Variants in LEPR observed in about 807,000 individuals in gnomAD.
The protein encoded by LEPR is leptin receptor, also known as OB receptor.
In LEPR, 56 loss-of-function variants were observed where a neutral mutation model predicts 114.7. That is an observed-to-expected ratio of 0.49 (90% CI 0.39 to 0.61). The LOEUF is 0.61. LEPR is among the 20% of genes least tolerant of loss of function. The pLI, the probability that LEPR is intolerant of heterozygous loss-of-function variation, is 0.00. For synonymous variants in LEPR, 443 were observed against 461.4 expected (o/e 0.96, Z 0.51); for missense variants, 1,202 against 1,352.9 (o/e 0.89, Z 1.75).
At chr1:65,620,669 AC>A (rs988255117) in intron 17 of LEPR, among the ~76,000 whole-genome samples, 5 of 152,122 alleles carry the variant, frequency 3.3e-5, no homozygotes, top group Admixed American at 3.3e-4. Context: ...GTACAGTAAG[AC>A]CCTACTTGAT....
intron 2 of LEPR, among the ~76,000 whole-genome samples, chr1:65,520,562 T>C (rs930611172): frequency 6.6e-6 from 1 of 152,208 alleles, no homozygotes; most frequent in African/African-American, 2.4e-5. Context: ...AACATCATTA[T>C]TGAAGAGTTG....
At chr1:65,448,899 T>G (rs1321401715) in intron 2 of LEPR, among the ~76,000 whole-genome samples, 1 of 152,170 alleles carries the variant, frequency 6.6e-6, no homozygotes, top group African/African-American at 2.4e-5. Flanking sequence ...GCTTTGTTGT[T>G]GTTGTTGTTT....
chr1:65,435,664 G>T, intron 2 of LEPR: 1 of 985,322 alleles, frequency 1.0e-6, no homozygotes, highest in Non-Finnish European at 1.2e-6. Context: ...ACTGTGCCCA[G>T]CCAAAATGTG....
rs1419488234 is a variant in LEPR at position 65,439,116 on chromosome 1, G to A, written c.-21+13738G>A. Among the ~76,000 whole-genome samples the A allele has an allele frequency of 7.2e-5, 11 of 152,174 alleles. No homozygotes were observed. In the East Asian group the frequency reaches 2.1e-3, roughly 29 times the overall value. On this transcript the variant is annotated intron_variant, in intron 2 of 19. Coordinates refer to ENST00000349533, the MANE Select transcript of LEPR (RefSeq NM_002303.6). ...AGGGTACTGCTGGGCAATAGGACAT[G>A]AGTTCCCATTGCTTGTGGGATCTTC...
rs77715828 is a variant in LEPR, at chr1:65,582,777, A to G, written c.495-9880A>G. Among the ~76,000 whole-genome samples the G allele has an allele frequency of 1.4e-3, 211 of 152,024 alleles. 5 individuals are homozygous for G. In the East Asian group the frequency reaches 0.036, roughly 26 times the overall value. Reference sequence around the variant, plus strand: ...AAGGACTTTCTTGCCATTATCCTCTATTTTCTGCACCATCATGTTTCTCTC... The same window carrying G: ...AAGGACTTTCTTGCCATTATCCTCTGTTTTCTGCACCATCATGTTTCTCTC... On this transcript the variant is annotated intron_variant, in intron 5 of 19. Coordinates refer to ENST00000349533, the MANE Select transcript of LEPR (RefSeq NM_002303.6).
chr1:65,537,009 G>A (rs1006814732), intron 2 of LEPR, among the ~76,000 whole-genome samples: 22 of 152,264 alleles, frequency 1.4e-4, no homozygotes, highest in African/African-American at 4.8e-4. Flanking sequence ...CAGTTTTGAT[G>A]TATGCAATCA....
chr1:65,454,231 T>C (rs909135477), intron 2 of LEPR, among the ~76,000 whole-genome samples: 2 of 152,240 alleles, frequency 1.3e-5, no homozygotes, highest in African/African-American at 4.8e-5. Context: ...CTTGACTCCG[T>C]ATCCAATTTG....
chr1:65,552,258 G>T (rs1000517588), intron 2 of LEPR, among the ~76,000 whole-genome samples: 4 of 152,082 alleles, frequency 2.6e-5, no homozygotes, highest in Non-Finnish European at 4.4e-5. Flanking sequence ...TCCTGAATAT[G>T]CTTGTTAATT....
intron 19 of LEPR, among the ~76,000 whole-genome samples, chr1:65,624,328 A>G (rs150443029): frequency 6.4e-4 from 98 of 152,154 alleles, no homozygotes; most frequent in African/African-American, 2.3e-3. Flanking sequence ...CAGTTACCCT[A>G]TGGGACAAGT....
At chr1:65,492,053 A>G (rs1647899112) in intron 2 of LEPR, among the ~76,000 whole-genome samples, 1 of 152,140 alleles carries the variant, frequency 6.6e-6, no homozygotes, top group South Asian at 2.1e-4. Flanking sequence ...CATGTTAATT[A>G]TAAACAATTT....
intron 1 of LEPR, among the ~76,000 whole-genome samples, chr1:65,422,673 G>A (rs759072578): frequency 2.0e-5 from 3 of 152,212 alleles, no homozygotes; most frequent in Non-Finnish European, 4.4e-5. Flanking sequence ...CCCAAGTGGG[G>A]AGGACAGCAC....
Position 65,637,138 on chromosome 1 carries a change from A to T in LEPR, c.*123A>T, listed in dbSNP as rs1658745814. The T allele has an allele frequency of 8.6e-7, 1 of 1,156,170 alleles. No homozygotes were observed. The highest frequency in any genetic ancestry group is 2.4e-5 in the Admixed American group (1 of 42,348). The allele number at this position is 1,156,170 out of a possible 1,614,324, so 71.6% of individuals were successfully genotyped here. On this transcript the variant is annotated 3_prime_UTR_variant, in exon 20 of 20. Coordinates refer to ENST00000349533, the MANE Select transcript of LEPR (RefSeq NM_002303.6). The stretch of plus-strand genomic sequence containing the variant: ...AATTTGAAAATAATTGTTCCAAATG[A>T]ATGTTGTCTGTTTGTTCTCTCTTAG...
intron 2 of LEPR, among the ~76,000 whole-genome samples, chr1:65,490,230 G>A (rs980095075): frequency 2.0e-5 from 3 of 152,018 alleles, no homozygotes; most frequent in Non-Finnish European, 4.4e-5. Context: ...TTTATTACTG[G>A]GGGATGCTGC....
intron 2 of LEPR, chr1:65,525,857 C>G: frequency 1.0e-6 from 1 of 981,028 alleles, no homozygotes; most frequent in Non-Finnish European, 1.2e-6. Context: ...CCTATTGCCA[C>G]CTCTTCCCGC....
chr1:65,485,365 G>A (rs1174585408), intron 2 of LEPR, among the ~76,000 whole-genome samples: 1 of 152,082 alleles, frequency 6.6e-6, no homozygotes, highest in Admixed American at 6.6e-5. Context: ...TAATCATTAT[G>A]TGCAGTAGGT....
intron 2 of LEPR, among the ~76,000 whole-genome samples, chr1:65,469,232 A>C (rs1186486185): frequency 6.6e-6 from 1 of 151,386 alleles, no homozygotes; most frequent in Non-Finnish European, 1.5e-5. Flanking sequence ...GGTGTAGAGC[A>C]TGGAGTCAGT....
intron 5 of LEPR, chr1:65,577,484 G>A (rs1015940003): frequency 6.4e-6 from 1 of 155,900 alleles, no homozygotes; most frequent in Non-Finnish European, 1.4e-5. Flanking sequence ...AATTATGTAA[G>A]CAACTGGCAG....
At chr1:65,427,050 A>G (rs991476991) in intron 2 of LEPR, among the ~76,000 whole-genome samples, 2 of 151,962 alleles carry the variant, frequency 1.3e-5, no homozygotes, top group Non-Finnish European at 2.9e-5. Context: ...GAAGTGAGTT[A>G]TTATGACAGT....
Position 65,621,441 on chromosome 1 carries a change from A to G in LEPR, c.2580A>G (p.Leu860=). The change falls in exon 18 of 20, where the codon TTA becomes TTG. Residue 860 remains leucine, a synonymous_variant. Transcript: ENST00000349533. ...CTTCCATCTTATTGCTTGGAACATT[A>G]TTAATATCACACCAAAGGTATTGTA... ...ISSSILLLGT[L]LISHQRMKKL... is the part of the protein sequence containing the mutation. 6.2e-7 allele frequency: 1 copy of G among 1,612,924 alleles called. No homozygotes were observed.
Sources: gnomAD v4.1 joint callset for allele counts (sites outside exome capture counted in the v4.1 genomes callset) on GRCh38, gnomAD v4.1.1 for gene constraint, MANE v1.5 for transcripts, NCBI Gene and HGNC (gene_info 2026-07-23, HGNC 2026-07-21) for gene names.